The following EYS variants were observed in gnomAD, a reference collection of about 807,000 sequenced individuals.
EYS encodes the protein protein eyes shut homolog.
A neutral mutation model predicts 282.1 loss-of-function variants in EYS; 250 were observed. That is an observed-to-expected ratio of 0.89 (90% CI 0.80 to 0.98). The LOEUF is 0.98. EYS is among the 50% of genes least tolerant of loss of function. The pLI is 0.00. For missense variants in EYS, 4,016 were observed against 3,709.0 expected, an observed-to-expected ratio of 1.08 and a Z score of -2.15; for synonymous variants, 1,355 against 1,282.9, an observed-to-expected ratio of 1.06 and a Z score of -1.20.
intron 12 of EYS, among the ~76,000 whole-genome samples, chr6:65,259,499 G>A (rs1582073429): frequency 6.6e-6 from 1 of 152,124 alleles, no homozygotes; most frequent in Admixed American, 6.6e-5. Flanking sequence ...AATGGTTGAT[G>A]TGTTTTTATA....
At chr6:64,172,209 A>G (rs1330022685) in intron 31 of EYS, among the ~76,000 whole-genome samples, 4 of 151,674 alleles carry the variant, frequency 2.6e-5, no homozygotes, top group Non-Finnish European at 4.4e-5. Flanking sequence ...TTTCTTTGTC[A>G]TCTTTTTTTT....
intron 12 of EYS, among the ~76,000 whole-genome samples, chr6:65,110,185 AC>A (rs1352413528): frequency 2.0e-5 from 3 of 152,070 alleles, no homozygotes; most frequent in Non-Finnish European, 4.4e-5. Flanking sequence ...ACTATCTTTT[AC>A]TTCTTACAGT....
chr6:64,899,396 A>T (rs1767577427), intron 18 of EYS, among the ~76,000 whole-genome samples: 1 of 152,098 alleles, frequency 6.6e-6, no homozygotes, highest in South Asian at 2.1e-4. Flanking sequence ...AATAAAGGGT[A>T]TTCAAATAGG....
chr6:64,279,717 A>G (rs1009140684), intron 30 of EYS, among the ~76,000 whole-genome samples: 1 of 152,152 alleles, frequency 6.6e-6, no homozygotes, highest in Non-Finnish European at 1.5e-5. Context: ...GTATATTCAA[A>G]TTACTGTCTC....
intron 35 of EYS, among the ~76,000 whole-genome samples, chr6:63,895,461 C>G (rs1396642968): frequency 6.6e-6 from 1 of 152,168 alleles, no homozygotes; most frequent in Non-Finnish European, 1.5e-5. Context: ...GAGTTGGAAT[C>G]AGGAACTAAA....
intron 11 of EYS, chr6:65,330,378 T>C (rs1011298977): frequency 3.0e-6 from 3 of 984,430 alleles, no homozygotes; most frequent in African/African-American, 3.5e-5. Context: ...GTGGGAGTCA[T>C]GAACACTTCA....
At chr6:64,105,251 G>A (rs930290542) in intron 31 of EYS, among the ~76,000 whole-genome samples, 16 of 151,968 alleles carry the variant, frequency 1.1e-4, no homozygotes, top group African/African-American at 3.1e-4. Context: ...ACATCGCTAC[G>A]TGCCAGGCAA....
chr6:64,715,556 C>A (rs1213155555), intron 22 of EYS, among the ~76,000 whole-genome samples: 1 of 152,170 alleles, frequency 6.6e-6, no homozygotes, highest in Non-Finnish European at 1.5e-5. Context: ...GGCTTATTCA[C>A]AAATGGGCTG....
chr6:64,646,620 G>A (rs1197744507), intron 22 of EYS, among the ~76,000 whole-genome samples: 4 of 151,852 alleles, frequency 2.6e-5, no homozygotes, highest in East Asian at 1.9e-4. Context: ...TGGCTAACAC[G>A]GTGAAACCCC....
chr6:64,838,802 CT>C (rs1765470535), intron 19 of EYS, among the ~76,000 whole-genome samples: 1 of 151,828 alleles, frequency 6.6e-6, no homozygotes, highest in African/African-American at 2.4e-5. Context: ...ACTTTGTTTC[CT>C]TATGCTCCAC....
intron 40 of EYS, among the ~76,000 whole-genome samples, chr6:63,765,517 G>T (rs1769765498): frequency 6.6e-6 from 1 of 151,616 alleles, no homozygotes; most frequent in African/African-American, 2.4e-5. Flanking sequence ...TAACTTTTGT[G>T]GGTACATAGT....
At chr6:65,673,617 G>A (rs1339774577) in intron 1 of EYS, among the ~76,000 whole-genome samples, 1 of 152,022 alleles carries the variant, frequency 6.6e-6, no homozygotes, top group Non-Finnish European at 1.5e-5. Flanking sequence ...GTTTTTAAAA[G>A]ACCATTAGTC....
chr6:65,044,111 TATA>T (rs948193980), intron 13 of EYS, among the ~76,000 whole-genome samples: 1 of 151,732 alleles, frequency 6.6e-6, no homozygotes, highest in African/African-American at 2.4e-5. Context: ...TTGTGGTTTT[TATA>T]ATATTTGTAT....
chr6:64,922,349 A>G (rs1426419494), intron 15 of EYS, among the ~76,000 whole-genome samples: 1 of 152,212 alleles, frequency 6.6e-6, no homozygotes. Context: ...AAATTTAAAG[A>G]TAAGAAAAAC....
chr6:64,306,983 T>G lies in EYS; in HGVS notation c.6178A>C (p.Ile2060Leu). The G allele has an allele frequency of 6.7e-7, 1 of 1,493,280 alleles. No individual in the cohort carries two copies. The highest frequency in any genetic ancestry group is 9.1e-7 in the Non-Finnish European group (1 of 1,096,110). 92.5% of individuals were successfully genotyped at this position (1,493,280 alleles called of 1,614,324 possible). A position where few individuals can be genotyped will look rare whatever the true frequency, so the allele number is the denominator to read the frequency against. ...CTGCTATTTTACCTGCAATTGTTAA[T>G]GTGATAGTTTTTCACTGCCTTGGAT... Reference protein sequence around the residue: ...IPSKAVKNYHINNCRSQGFML... With the variant: ...IPSKAVKNYHLNNCRSQGFML... The change falls in exon 30 of 43, where the codon ATT becomes CTT. Residue 2060 changes from isoleucine to leucine, a missense_variant. Ile to Leu is a conservative substitution (Grantham distance 5). Transcript: ENST00000503581.
chr6:65,208,327 G>T (rs1302892278), intron 12 of EYS, among the ~76,000 whole-genome samples: 1 of 151,758 alleles, frequency 6.6e-6, no homozygotes, highest in Non-Finnish European at 1.5e-5. Context: ...GTGGAGAGAA[G>T]AAGGGAACAC....
intron 28 of EYS, among the ~76,000 whole-genome samples, chr6:64,411,402 G>A (rs986032996): frequency 1.3e-5 from 2 of 152,072 alleles, no homozygotes; most frequent in Non-Finnish European, 2.9e-5. Flanking sequence ...GAGAACCAAT[G>A]ACTCAGAAGT....
At chr6:64,335,248 CA>C (rs1156250639) in intron 29 of EYS, among the ~76,000 whole-genome samples, 20 of 135,650 alleles carry the variant, frequency 1.5e-4, no homozygotes, top group African/African-American at 3.5e-4. Context: ...TGACTCCCCC[CA>C]CCCCCCCTCC....
At chr6:65,183,528 T>C (rs6908741) in intron 12 of EYS, among the ~76,000 whole-genome samples, 5,890 of 152,014 alleles carry the variant, frequency 0.039, 190 homozygotes, top group African/African-American at 0.088. Flanking sequence ...AAAAGTTTAT[T>C]TGGAAATACA....
Sources: allele counts gnomAD v4.1 joint callset (sites outside exome capture counted in the v4.1 genomes callset), GRCh38; gene constraint gnomAD v4.1.1; transcripts MANE v1.5; gene names NCBI Gene and HGNC (gene_info 2026-07-23, HGNC 2026-07-21).